Variants in BLK observed in about 807,000 individuals in gnomAD.
BLK encodes the protein BLK proto-oncogene, Src family tyrosine kinase.
BLK carries 64 observed loss-of-function variants against 61.8 expected under a neutral mutation model. The ratio of observed to expected loss-of-function variants is 1.03; its 90% CI spans 0.85 to 1.27. BLK has a LOEUF of 1.27. Ranked by LOEUF, BLK falls within the 50% of genes most tolerant of loss-of-function variation. The pLI is 0.00. For missense variants in BLK, 853 were observed against 660.5 expected, an observed-to-expected ratio of 1.29 and a Z score of -3.19; for synonymous variants, 351 against 272.0, an observed-to-expected ratio of 1.29 and a Z score of -2.86.
intron 1 of BLK, among the ~76,000 whole-genome samples, chr8:11,500,553 C>T (rs1798518133): frequency 6.7e-6 from 1 of 148,892 alleles, no homozygotes; most frequent in Non-Finnish European, 1.5e-5. Flanking sequence ...TCTCGCTCTG[C>T]CTCCCAGGCT....
intron 1 of BLK, among the ~76,000 whole-genome samples, chr8:11,495,136 C>G (rs1003202914): frequency 4.3e-4 from 65 of 152,182 alleles, no homozygotes; most frequent in Admixed American, 1.3e-3. Context: ...TTTAAGAGAT[C>G]TATTTCACCA....
At chr8:11,556,942 G>C in intron 9 of BLK, 105 bp downstream of exon 9, 1 of 1,266,890 alleles carries the variant, frequency 7.9e-7, no homozygotes, top group South Asian at 1.3e-5. Context: ...AGGGGGTCCT[G>C]CAGATCTAGG....
chr8:11,531,038 G>T (rs1230155733), intron 1 of BLK, among the ~76,000 whole-genome samples: 1 of 152,074 alleles, frequency 6.6e-6, no homozygotes, highest in East Asian at 1.9e-4. Flanking sequence ...TTAGCATCTG[G>T]GTGGTTGTGT....
intron 1 of BLK, among the ~76,000 whole-genome samples, chr8:11,530,602 A>G (rs776469112): frequency 3.3e-5 from 5 of 152,242 alleles, no homozygotes; most frequent in Non-Finnish European, 5.9e-5. Flanking sequence ...TGGAGAAGGC[A>G]GGTAAAGAGA....
intron 1 of BLK, among the ~76,000 whole-genome samples, chr8:11,526,063 G>T (rs961466294): frequency 6.6e-6 from 1 of 152,076 alleles, no homozygotes; most frequent in Non-Finnish European, 1.5e-5. Context: ...GTGAGCCACC[G>T]CACCCAGCTG....
chr8:11,508,895 C>G (rs1363683301), intron 1 of BLK, among the ~76,000 whole-genome samples: 3 of 152,176 alleles, frequency 2.0e-5, no homozygotes, highest in African/African-American at 7.2e-5. Context: ...GAGGGAGGTG[C>G]CTGCCCATCC....
chr8:11,564,233 G>A lies in BLK; in HGVS notation c.*125G>A, dbSNP rs959281625. Reference sequence around the variant, plus strand: ...CCTTTTCTCAGACCCGGAATCCAGTGGGCAGAGGCAGCTTCGCAGGGGGTC... The same window carrying A: ...CCTTTTCTCAGACCCGGAATCCAGTAGGCAGAGGCAGCTTCGCAGGGGGTC... On this transcript the variant is annotated 3_prime_UTR_variant, in exon 13 of 13. Transcript: ENST00000259089. 8.3e-7 allele frequency: 1 copy of A among 1,203,352 alleles called. No individual in the cohort carries two copies. The highest frequency in any genetic ancestry group is 1.2e-6 in the Non-Finnish European group (1 of 847,564). 74.5% of individuals were successfully genotyped at this position (1,203,352 alleles called of 1,614,324 possible).
chr8:11,532,141 G>A (rs1321526949), intron 1 of BLK, among the ~76,000 whole-genome samples: 2 of 151,564 alleles, frequency 1.3e-5, no homozygotes, highest in Non-Finnish European at 2.9e-5. Flanking sequence ...TTACAGGCAT[G>A]AGCCAATGTA....
chr8:11,534,042 G>C (rs1042243697), intron 1 of BLK, among the ~76,000 whole-genome samples: 6 of 152,184 alleles, frequency 3.9e-5, no homozygotes, highest in Admixed American at 2.0e-4. Context: ...CTCATGACCT[G>C]CCTGCATCAG....
At chr8:11,549,813 AG>A (rs1473923592) in intron 5 of BLK, among the ~76,000 whole-genome samples, 13 of 152,246 alleles carry the variant, frequency 8.5e-5, no homozygotes, top group Non-Finnish European at 2.9e-5. Flanking sequence ...TTCAGATCTC[AG>A]ACTGCAAGGA....
rs1800836354 is a variant in BLK at position 11,550,168 on chromosome 8, T to C, written c.378T>C (p.Phe126=). 1 of 1,614,006 alleles carries C rather than the reference T, an allele frequency of 6.2e-7. No individual in the cohort carries two copies. The highest frequency in any genetic ancestry group is 8.5e-7 in the Non-Finnish European group (1 of 1,180,012). ...VESLEMERWF[F]RSQGRKEAER... Reference sequence around the variant, plus strand: ...TCCTGCCGTTTTCCAGGTGGTTCTTTAGATCACAGGGTCGGAAGGAGGCTG... The same window carrying C: ...TCCTGCCGTTTTCCAGGTGGTTCTTCAGATCACAGGGTCGGAAGGAGGCTG... Residue 126 remains phenylalanine (F), a synonymous_variant, in exon 6 of 13, where the codon TTT becomes TTC. Coordinates refer to ENST00000259089, the MANE Select transcript of BLK (RefSeq NM_001715.3).
chr8:11,522,710 C>A (rs1585351367), intron 1 of BLK, among the ~76,000 whole-genome samples: 1 of 145,752 alleles, frequency 6.9e-6, no homozygotes, highest in East Asian at 2.0e-4. Flanking sequence ...CTGTGTATTA[C>A]AACAAACAAA....
intron 1 of BLK, among the ~76,000 whole-genome samples, chr8:11,518,317 C>G (rs1248569729): frequency 1.3e-5 from 2 of 152,204 alleles, no homozygotes; most frequent in Non-Finnish European, 2.9e-5. Context: ...AGTGAATACG[C>G]ACTTTCGTGT....
chr8:11,527,464 A>G (rs1047639347), intron 1 of BLK, among the ~76,000 whole-genome samples: 9 of 151,070 alleles, frequency 6.0e-5, no homozygotes, highest in African/African-American at 2.2e-4. Flanking sequence ...CTTATCTAGA[A>G]TTTTTCTTTC....
At chr8:11,533,493 G>A (rs1049202884) in intron 1 of BLK, among the ~76,000 whole-genome samples, 1 of 152,048 alleles carries the variant, frequency 6.6e-6, no homozygotes. Context: ...GGTAAGATAC[G>A]TGTGAACCTC....
At chr8:11,527,310 C>A (rs1210619904) in intron 1 of BLK, among the ~76,000 whole-genome samples, 1 of 152,130 alleles carries the variant, frequency 6.6e-6, no homozygotes, top group Non-Finnish European at 1.5e-5. Flanking sequence ...TGCATTTTTG[C>A]AAATATATAC....
rs1294111652 is a variant in BLK at position 11,556,812 on chromosome 8, C to T, written c.927C>T (p.Tyr309=). 1.2e-6 allele frequency: 2 copies of T among 1,614,168 alleles called. No individual in the cohort carries two copies. Among genetic ancestry groups the T allele is most frequent in the South Asian group, 1.1e-5 (1 of 91,082 alleles). ...CAGTGGTCACCAAGGAGCCCATCTACATTGTCACCGAGTACATGGCCAGAG... is the reference window on the plus strand; with the variant it reads ...CAGTGGTCACCAAGGAGCCCATCTATATTGTCACCGAGTACATGGCCAGAG... ...LYAVVTKEPI[Y]IVTEYMARGC... Residue 309 remains tyrosine, a synonymous_variant, in exon 9 of 13, where the codon TAC becomes TAT. Transcript: ENST00000259089.
intron 1 of BLK, among the ~76,000 whole-genome samples, chr8:11,516,583 C>G (rs1385841888): frequency 6.6e-6 from 1 of 152,196 alleles, no homozygotes; most frequent in African/African-American, 2.4e-5. Context: ...GTTAAACTAA[C>G]TCCCCGACCC....
At chr8:11,510,027 T>G (rs996254796) in intron 1 of BLK, 8 of 152,214 alleles carry the variant, frequency 5.3e-5, no homozygotes, top group Non-Finnish European at 1.2e-4. Context: ...CTGTGTGAAC[T>G]CTATCACCAT....
Sources: allele counts gnomAD v4.1 joint callset (sites outside exome capture counted in the v4.1 genomes callset), GRCh38; gene constraint gnomAD v4.1.1; transcripts MANE v1.5; gene names NCBI Gene and HGNC (gene_info 2026-07-23, HGNC 2026-07-21).